Variants in DLGAP2 observed in about 807,000 individuals in gnomAD.
The protein encoded by DLGAP2 is disks large-associated protein 2.
A neutral mutation model predicts 100.3 loss-of-function variants in DLGAP2; 26 were observed. The observed-to-expected ratio is 0.26, with a 90% CI of 0.19 to 0.36. The LOEUF (loss-of-function observed/expected upper bound fraction) is 0.36. DLGAP2 is among the 10% of genes least tolerant of loss of function. DLGAP2 has a pLI of 1.00. For synonymous variants in DLGAP2, 886 were observed against 630.1 expected, an observed-to-expected ratio of 1.41 and a Z score of -6.08; for missense variants, 1,858 against 1,453.2, an observed-to-expected ratio of 1.28 and a Z score of -4.53.
intron 3 of DLGAP2, among the ~76,000 whole-genome samples, chr8:1,392,202 C>A: frequency 6.6e-6 from 1 of 152,140 alleles, no homozygotes; most frequent in Non-Finnish European, 1.5e-5. Flanking sequence ...CATTGGAACA[C>A]CCAGATTATG....
chr8:1,080,269 G>A (rs983598884), intron 2 of DLGAP2, among the ~76,000 whole-genome samples: 2 of 152,324 alleles, frequency 1.3e-5, no homozygotes, highest in African/African-American at 2.4e-5. Flanking sequence ...TGATGCGGGC[G>A]CCACCCCCGC....
chr8:1,301,116 A>T (rs1179430465), intron 3 of DLGAP2: 2 of 152,358 alleles, frequency 1.3e-5, no homozygotes, highest in African/African-American at 4.8e-5. Context: ...AGGCCATGCC[A>T]TTTCTCATAG....
At chr8:1,344,991 C>T (rs750126953) in intron 3 of DLGAP2, among the ~76,000 whole-genome samples, 1 of 152,212 alleles carries the variant, frequency 6.6e-6, no homozygotes, top group Non-Finnish European at 1.5e-5. Context: ...TAATCACTTT[C>T]AATAAAAGTC....
At chr8:758,333 G>A (rs1369760438) in intron 1 of DLGAP2, among the ~76,000 whole-genome samples, 1 of 152,070 alleles carries the variant, frequency 6.6e-6, no homozygotes, top group African/African-American at 2.4e-5. Flanking sequence ...TGTAGGTAGA[G>A]GGTTACCTCG....
chr8:1,258,117 G>A (rs1475434501), intron 2 of DLGAP2, among the ~76,000 whole-genome samples: 1 of 152,186 alleles, frequency 6.6e-6, no homozygotes, highest in South Asian at 2.1e-4. Flanking sequence ...CCTACATACA[G>A]GGGACTCAAT....
chr8:1,544,391 T>G (rs759861192), intron 4 of DLGAP2, among the ~76,000 whole-genome samples: 10 of 152,228 alleles, frequency 6.6e-5, no homozygotes, highest in Non-Finnish European at 1.2e-4. Context: ...CATCCTTGTC[T>G]TGTTCTCTTC....
intron 2 of DLGAP2, among the ~76,000 whole-genome samples, chr8:1,224,855 G>T (rs1798382850): frequency 6.6e-6 from 1 of 152,192 alleles, no homozygotes; most frequent in South Asian, 2.1e-4. Flanking sequence ...TGAGTCCCTG[G>T]GGAGATGCGA....
intron 2 of DLGAP2, among the ~76,000 whole-genome samples, chr8:1,256,542 C>T (rs748476150): frequency 0.013 from 1,362 of 106,434 alleles, 25 homozygotes; most frequent in African/African-American, 0.045. Context: ...CCTGCCCAGG[C>T]GCTGTGTGTG....
intron 2 of DLGAP2, among the ~76,000 whole-genome samples, chr8:1,193,759 A>G (rs1020680786): frequency 6.6e-6 from 1 of 151,690 alleles, no homozygotes; most frequent in African/African-American, 2.4e-5. Flanking sequence ...TGTGGAGCAG[A>G]TCCCAGTCTC....
At chr8:1,434,834 TTCCTTCCTCCTCCCTTCA>T (rs1246177505) in intron 3 of DLGAP2, among the ~76,000 whole-genome samples, 2 of 152,114 alleles carry the variant, frequency 1.3e-5, no homozygotes, top group African/African-American at 2.4e-5. Flanking sequence ...TGCATTATCG[TTCCTTCCTCCTCCCTTCA>T]TCCTTCCTCC....
At chr8:1,030,641 C>T (rs1161318613) in intron 2 of DLGAP2, among the ~76,000 whole-genome samples, 2 of 152,230 alleles carry the variant, frequency 1.3e-5, no homozygotes, top group African/African-American at 4.8e-5. Flanking sequence ...GTTGCAGAGT[C>T]TGTCCTTAGA....
intron 2 of DLGAP2, among the ~76,000 whole-genome samples, chr8:916,427 C>CA (rs1798594858): frequency 6.6e-6 from 1 of 152,054 alleles, no homozygotes; most frequent in Admixed American, 6.5e-5. Flanking sequence ...ATTGCAAGGA[C>CA]AAAAAACCAA....
chr8:1,602,855 C>T (rs1172251977), intron 6 of DLGAP2, among the ~76,000 whole-genome samples: 1 of 152,236 alleles, frequency 6.6e-6, no homozygotes, highest in Non-Finnish European at 1.5e-5. Context: ...AAGCAGTAAA[C>T]ATGACAGGTG....
At chr8:1,320,764 C>T (rs1161362858) in intron 3 of DLGAP2, among the ~76,000 whole-genome samples, 1 of 152,216 alleles carries the variant, frequency 6.6e-6, no homozygotes, top group Non-Finnish European at 1.5e-5. Context: ...GGTCTTCCCC[C>T]AAGCCATAGC....
chr8:1,166,910 G>A (rs539843943), intron 2 of DLGAP2, among the ~76,000 whole-genome samples: 1 of 152,122 alleles, frequency 6.6e-6, no homozygotes, highest in Admixed American at 6.5e-5. Context: ...TGTTTGGGAG[G>A]CCAAGGTGAG....
intron 2 of DLGAP2, among the ~76,000 whole-genome samples, chr8:1,051,501 C>T (rs1802710688): frequency 6.6e-6 from 1 of 152,148 alleles, no homozygotes; most frequent in African/African-American, 2.4e-5. Flanking sequence ...GATGTTAATA[C>T]CACTCAGCAT....
chr8:743,835 G>A (rs766512551), intron 1 of DLGAP2, among the ~76,000 whole-genome samples: 22 of 152,360 alleles, frequency 1.4e-4, no homozygotes, highest in Non-Finnish European at 2.6e-4. Flanking sequence ...AAAATGTTGC[G>A]ATTGTGGGCA....
Position 1,580,197 on chromosome 8 carries a change from G to GAAA in DLGAP2, c.1442+14305_1442+14307dup, listed in dbSNP as rs1230168415. On this transcript the variant is annotated intron_variant, in intron 6 of 14. Transcript: ENST00000637795. The stretch of plus-strand genomic sequence containing the variant: ...ATGGATGTTCCTTCAAACTCTCAGA[G>GAAA]AAAACGTGAAAGTAACTATAGTTAT... Among the ~76,000 whole-genome samples the GAAA allele has an allele frequency of 4.6e-5, 7 of 152,298 alleles. No individual in the cohort carries two copies. The East Asian group carries it at 1.3e-3, about 29-fold the overall frequency.
At chr8:1,354,216 C>T (rs1161262184) in intron 3 of DLGAP2, among the ~76,000 whole-genome samples, 2 of 152,144 alleles carry the variant, frequency 1.3e-5, no homozygotes, top group South Asian at 4.1e-4. Flanking sequence ...AAAGAAAATA[C>T]TTACGGAGGC....
Sources: allele counts gnomAD v4.1 joint callset (sites outside exome capture counted in the v4.1 genomes callset), GRCh38; gene constraint gnomAD v4.1.1; transcripts MANE v1.5; gene names NCBI Gene and HGNC (gene_info 2026-07-23, HGNC 2026-07-21).